Variants in RTN4RL1 observed in about 807,000 individuals in gnomAD.
RTN4RL1 encodes reticulon 4 receptor like 1, also known as reticulon-4 receptor-like 1.
RTN4RL1 carries 7 observed loss-of-function variants against 25.6 expected under a neutral mutation model. The ratio of observed to expected loss-of-function variants is 0.27; its 90% CI spans 0.16 to 0.51. The LOEUF (loss-of-function observed/expected upper bound fraction) is 0.51, where lower values mean the gene tolerates loss of function less well. RTN4RL1 is among the 20% of genes least tolerant of loss of function. The probability of loss-of-function intolerance (pLI) is 0.97; values close to 1 mark genes in which losing one functional copy is unlikely to be tolerated. For missense variants in RTN4RL1, 500 were observed against 615.6 expected (o/e 0.81, Z 1.99); for synonymous variants, 297 against 288.2 (o/e 1.03, Z -0.31).
chr17:1,976,013 T>C (rs1197460095), intron 1 of RTN4RL1, among the ~76,000 whole-genome samples: 2 of 152,216 alleles, frequency 1.3e-5, no homozygotes, highest in East Asian at 1.9e-4. Flanking sequence ...TTGAACTCTA[T>C]TCAGCACTCA....
chr17:1,937,540 G>T lies in RTN4RL1; in HGVS notation c.282C>A (p.Ser94Arg), dbSNP rs1915336685. The T allele has an allele frequency of 6.2e-7, 1 of 1,613,896 alleles. No homozygotes were observed. Among genetic ancestry groups the T allele is most frequent in the Non-Finnish European group, 8.5e-7 (1 of 1,179,888 alleles). Residue 94 changes from serine (S) to arginine (R), a missense_variant, in exon 2 of 2, where the codon AGC becomes AGA. This residue lies in a region of RTN4RL1 where 232 missense variants were observed against 341.1 expected (regional missense o/e 0.68). Transcript: ENST00000331238. Reference sequence around the variant, plus strand: ...CCAGGTGCACGAAGCCCTCGAAGGTGCTGGGGTGGATGTAGGTGATGTTGT... The same window carrying T: ...CCAGGTGCACGAAGCCCTCGAAGGTTCTGGGGTGGATGTAGGTGATGTTGT... ...YSNNITYIHPSTFEGFVHLEE... is the reference protein window; with the variant it reads ...YSNNITYIHPRTFEGFVHLEE...
At chr17:1,959,907 C>T (rs1444862944) in intron 1 of RTN4RL1, among the ~76,000 whole-genome samples, 1 of 152,158 alleles carries the variant, frequency 6.6e-6, no homozygotes, top group African/African-American at 2.4e-5. Flanking sequence ...GGGGATTAGA[C>T]ATGTGTTCTG....
chr17:2,010,079 CA>C (rs2067032434), intron 1 of RTN4RL1, among the ~76,000 whole-genome samples: 2 of 128,498 alleles, frequency 1.6e-5, no homozygotes, highest in Non-Finnish European at 3.3e-5. Flanking sequence ...ACTTCTCTGC[CA>C]ATCTCCTAAA....
chr17:1,938,638 C>T (rs1915366393), intron 1 of RTN4RL1, among the ~76,000 whole-genome samples: 1 of 152,044 alleles, frequency 6.6e-6, no homozygotes, highest in Non-Finnish European at 1.5e-5. Flanking sequence ...ACAAGCACAG[C>T]ATGCATGCGT....
chr17:1,998,446 C>T lies in RTN4RL1; in HGVS notation c.13+26407G>A, dbSNP rs1056445065. On this transcript the variant is annotated intron_variant, in intron 1 of 1. Coordinates refer to ENST00000331238, the MANE Select transcript of RTN4RL1 (RefSeq NM_178568.4). The surrounding 1 kb of genome is among the most constrained non-coding windows in gnomAD (Gnocchi z 4.9). ...GTTCCCTCTCGCGGGAGCCGCCGGC[C>T]GGGGATCTGCGCACCCCACGCGCCC... Among the ~76,000 whole-genome samples, 1 of 151,980 alleles carries T rather than the reference C, an allele frequency of 6.6e-6. No homozygotes were observed. Among genetic ancestry groups the T allele is most frequent in the Non-Finnish European group, 1.5e-5 (1 of 67,950 alleles).
At chr17:1,986,360 A>C (rs2066887156) in intron 1 of RTN4RL1, among the ~76,000 whole-genome samples, 1 of 151,984 alleles carries the variant, frequency 6.6e-6, no homozygotes, top group Admixed American at 6.6e-5. Flanking sequence ...CCCTGGAGTG[A>C]ATTGAATGGT....
At chr17:2,005,764 T>TCTCC (rs1377497177) in intron 1 of RTN4RL1, among the ~76,000 whole-genome samples, 4 of 145,558 alleles carry the variant, frequency 2.7e-5, no homozygotes, top group African/African-American at 5.0e-5. Context: ...TCTCTCTCTC[T>TCTCC]CCTTCTCTTT....
At chr17:1,963,269 G>A (rs1211921195) in intron 1 of RTN4RL1, among the ~76,000 whole-genome samples, 3 of 152,208 alleles carry the variant, frequency 2.0e-5, no homozygotes, top group South Asian at 2.1e-4. Context: ...TGTGAGCCCC[G>A]TGTCCTTCAT....
chr17:2,008,621 A>G (rs2067019242), intron 1 of RTN4RL1, among the ~76,000 whole-genome samples: 2 of 152,104 alleles, frequency 1.3e-5, no homozygotes, highest in Non-Finnish European at 2.9e-5. Flanking sequence ...TGTTGAGTCA[A>G]CCAACCTCCT....
chr17:2,001,928 G>A (rs73292167), intron 1 of RTN4RL1, among the ~76,000 whole-genome samples: 1,654 of 20,632 alleles, frequency 0.08, 32 homozygotes, highest in African/African-American at 0.21. Flanking sequence ...CTTCAGCCCT[G>A]GGGGAGGGGA....
At chr17:1,985,683 A>G (rs139879661) in intron 1 of RTN4RL1, among the ~76,000 whole-genome samples, 67 of 152,272 alleles carry the variant, frequency 4.4e-4, no homozygotes, top group African/African-American at 1.2e-3. Context: ...TTACATTGTC[A>G]CAGTACAGGT....
chr17:1,952,076 TC>T (rs1421553853), intron 1 of RTN4RL1, among the ~76,000 whole-genome samples: 2 of 152,230 alleles, frequency 1.3e-5, no homozygotes, highest in East Asian at 3.9e-4. Flanking sequence ...GCTGCTGCTC[TC>T]CTAGCAGAAG....
At chr17:1,988,009 G>T (rs562612081) in intron 1 of RTN4RL1, among the ~76,000 whole-genome samples, 84 of 152,192 alleles carry the variant, frequency 5.5e-4, no homozygotes, top group African/African-American at 2.0e-3. Context: ...GGGAGGCTGA[G>T]GCAGGAGAAT....
In RTN4RL1 at chr17:1,937,797, C is replaced by G. The variant is rs766551919; in HGVS notation, c.25G>C (p.Glu9Gln). The G allele has an allele frequency of 6.3e-7, 1 of 1,587,116 alleles. No homozygotes were observed. Among genetic ancestry groups the G allele is most frequent in the Non-Finnish European group, 8.5e-7 (1 of 1,170,076 alleles). The change falls in exon 2 of 2, where the codon GAG (glutamate) becomes CAG (glutamine). Residue 9 changes from glutamate to glutamine, a missense_variant. By Grantham distance (29) the Glu-to-Gln change is conservative (BLOSUM62 2). This residue lies in a region of RTN4RL1 where 232 missense variants were observed against 341.1 expected (regional missense o/e 0.68). Transcript: ENST00000331238. MLRKGCCV[E>Q]LLLLLVAAEL... ...GCAGCTACCAACAGCAGCAGCAACTCCACACAGCACCCTGGCAGGGAGAGA... is the reference window on the plus strand; with the variant it reads ...GCAGCTACCAACAGCAGCAGCAACTGCACACAGCACCCTGGCAGGGAGAGA...
At chr17:1,950,026 C>G (rs550328191) in intron 1 of RTN4RL1, among the ~76,000 whole-genome samples, 1 of 152,348 alleles carries the variant, frequency 6.6e-6, no homozygotes, top group African/African-American at 2.4e-5. Flanking sequence ...GGAGCCAGGC[C>G]TCGTATGGCC....
At chr17:2,005,771 CTTTCTTT>C (rs2066990215) in intron 1 of RTN4RL1, among the ~76,000 whole-genome samples, 1 of 142,606 alleles carries the variant, frequency 7.0e-6, no homozygotes, top group African/African-American at 2.6e-5. Context: ...CTCTCCTTCT[CTTTCTTT>C]TTTCTTTTAT....
At chr17:2,024,093 G>A (rs1014929631) in intron 1 of RTN4RL1, among the ~76,000 whole-genome samples, 4 of 152,170 alleles carry the variant, frequency 2.6e-5, no homozygotes, top group Non-Finnish European at 5.9e-5. Context: ...TGGGGGCGCG[G>A]CGGGACTTCC....
chr17:1,978,595 GC>G (rs2066853473), intron 1 of RTN4RL1, among the ~76,000 whole-genome samples: 3 of 142,484 alleles, frequency 2.1e-5, no homozygotes, highest in Non-Finnish European at 4.6e-5. Flanking sequence ...GTGACCTTTA[GC>G]CAGTCTTGCA....
At chr17:2,018,782 T>C (rs2067160497) in intron 1 of RTN4RL1, among the ~76,000 whole-genome samples, 1 of 149,654 alleles carries the variant, frequency 6.7e-6, no homozygotes, top group Admixed American at 6.7e-5. Flanking sequence ...TCCTGCAGGG[T>C]GGGGGTGGAG....
Sources: gnomAD v4.1 joint callset for allele counts (sites outside exome capture counted in the v4.1 genomes callset) on GRCh38, gnomAD v4.1.1 for gene constraint, gnomAD v4.1.1 regional missense constraint, Gnocchi (gnomAD v3.1) non-coding constraint, MANE v1.5 for transcripts, NCBI Gene and HGNC (gene_info 2026-07-23, HGNC 2026-07-21) for gene names.